The following LDLRAD4 variants were observed in gnomAD, a reference collection of about 807,000 sequenced individuals.
The protein encoded by LDLRAD4 is low density lipoprotein receptor class A domain containing 4, also known as low-density lipoprotein receptor class A domain-containing protein 4.
In LDLRAD4, 5 loss-of-function variants were observed where a neutral mutation model predicts 17.0. The observed-to-expected ratio is 0.29, with a 90% CI of 0.15 to 0.62. The LOEUF (loss-of-function observed/expected upper bound fraction) is 0.62. LDLRAD4 is among the 20% of genes least tolerant of loss of function. LDLRAD4 has a pLI of 0.84. For missense variants in LDLRAD4, 340 were observed against 424.7 expected, an observed-to-expected ratio of 0.80 and a Z score of 1.75; for synonymous variants, 168 against 171.8, an observed-to-expected ratio of 0.98 and a Z score of 0.17.
chr18:13,326,256 A>G (rs1568010570), intron 1 of LDLRAD4, among the ~76,000 whole-genome samples: 1 of 152,134 alleles, frequency 6.6e-6, no homozygotes, highest in East Asian at 1.9e-4. Context: ...GTTTCCTTAA[A>G]GGGGGGAAGG....
chr18:13,446,994 C>T (rs1328114352), intron 3 of LDLRAD4, among the ~76,000 whole-genome samples: 1 of 152,134 alleles, frequency 6.6e-6, no homozygotes, highest in African/African-American at 2.4e-5. Context: ...TGTGGTGTTA[C>T]CTTGGAGCGA....
At chr18:13,591,922 T>C (rs1297509163) in intron 3 of LDLRAD4, among the ~76,000 whole-genome samples, 2 of 152,214 alleles carry the variant, frequency 1.3e-5, no homozygotes, top group Non-Finnish European at 2.9e-5. Flanking sequence ...ATGAGGAAAC[T>C]GAGGCTAAGG....
chr18:13,391,895 C>A lies in LDLRAD4; in HGVS notation c.40+4133C>A, dbSNP rs368157496. 5.3e-5 allele frequency among the ~76,000 whole-genome samples: 8 copies of A among 152,316 alleles called. No homozygotes were observed. The East Asian group carries it at 1.3e-3, about 26-fold the overall frequency. ...ATTTTAAATTGCTGCATAATATTTT[C>A]ATGTACATGTACTTGAATTTTAAAA... On this transcript the variant is annotated intron_variant, in intron 2 of 5. Coordinates refer to ENST00000359446, the Ensembl canonical transcript of LDLRAD4.
intron 3 of LDLRAD4, among the ~76,000 whole-genome samples, chr18:13,518,529 A>G (rs1209892133): frequency 2.0e-5 from 3 of 152,180 alleles, no homozygotes; most frequent in Non-Finnish European, 4.4e-5. Flanking sequence ...AAGTCTTTGC[A>G]AGTCTCATTA....
chr18:13,396,205 G>T (rs1222173889), intron 2 of LDLRAD4, among the ~76,000 whole-genome samples: 3 of 152,178 alleles, frequency 2.0e-5, no homozygotes, highest in Non-Finnish European at 4.4e-5. Context: ...AGGGTGGTGT[G>T]AGAAAGACAT....
chr18:13,495,999 G>C (rs1456248733), intron 3 of LDLRAD4, among the ~76,000 whole-genome samples: 1 of 152,118 alleles, frequency 6.6e-6, no homozygotes, highest in Admixed American at 6.5e-5. Context: ...ATACACTGCA[G>C]GTTCTTCTGG....
chr18:13,505,591 G>A (rs568465181), intron 3 of LDLRAD4, among the ~76,000 whole-genome samples: 14 of 152,224 alleles, frequency 9.2e-5, no homozygotes, highest in African/African-American at 2.2e-4. Flanking sequence ...AGGCCGAGGC[G>A]GGCGGATCAC....
At chr18:13,233,976 C>G (rs184966634) in intron 1 of LDLRAD4, among the ~76,000 whole-genome samples, 7 of 152,286 alleles carry the variant, frequency 4.6e-5, no homozygotes, top group Admixed American at 4.6e-4. Context: ...TCAGGCCACA[C>G]ATCTCAGACA....
chr18:13,233,643 G>C (rs1461005272), intron 1 of LDLRAD4, among the ~76,000 whole-genome samples: 1 of 152,116 alleles, frequency 6.6e-6, no homozygotes, highest in African/African-American at 2.4e-5. Context: ...GAGGAACGGG[G>C]TCTCTCCCTT....
At chr18:13,544,836 TC>T (rs1286708225) in intron 3 of LDLRAD4, among the ~76,000 whole-genome samples, 1 of 148,848 alleles carries the variant, frequency 6.7e-6, no homozygotes, top group Non-Finnish European at 1.5e-5. Flanking sequence ...AGGGTCCAAC[TC>T]CCTGGAGCAC....
chr18:13,639,813 T>G (rs2042371696), intron 4 of LDLRAD4, among the ~76,000 whole-genome samples: 1 of 152,196 alleles, frequency 6.6e-6, no homozygotes, highest in African/African-American at 2.4e-5. Context: ...TAAATTATTA[T>G]GTAGTCATAA....
upstream of LDLRAD4, among the ~76,000 whole-genome samples, chr18:13,277,485 A>G (rs1433549773): frequency 6.6e-6 from 1 of 152,198 alleles, no homozygotes; most frequent in Non-Finnish European, 1.5e-5. Flanking sequence ...GTTGTATGGA[A>G]TGGACAAAAT....
intron 1 of LDLRAD4, among the ~76,000 whole-genome samples, chr18:13,330,897 A>G (rs530444436): frequency 6.6e-6 from 1 of 152,192 alleles, no homozygotes; most frequent in Non-Finnish European, 1.5e-5. Flanking sequence ...TGAAGTTTCC[A>G]TAAAAACCCA....
At chr18:13,289,270 C>T (rs2045831963) in intron 1 of LDLRAD4, among the ~76,000 whole-genome samples, 1 of 152,208 alleles carries the variant, frequency 6.6e-6, no homozygotes. Context: ...TAAATCACAT[C>T]ATATTCACTT....
At chr18:13,260,473 C>T (rs1377288295) in intron 1 of LDLRAD4, among the ~76,000 whole-genome samples, 5 of 152,156 alleles carry the variant, frequency 3.3e-5, no homozygotes, top group Non-Finnish European at 5.9e-5. Context: ...TTCTCTAATC[C>T]GTTTTGACAA....
intron 3 of LDLRAD4, among the ~76,000 whole-genome samples, chr18:13,600,024 G>C (rs1365575965): frequency 6.6e-6 from 1 of 152,118 alleles, no homozygotes; most frequent in African/African-American, 2.4e-5. Context: ...ATATTGACCA[G>C]TCTGGTCTCA....
At chr18:13,355,083 G>A (rs941189045) in intron 1 of LDLRAD4, among the ~76,000 whole-genome samples, 2 of 152,230 alleles carry the variant, frequency 1.3e-5, no homozygotes, top group African/African-American at 4.8e-5. Context: ...GATTCAAGTT[G>A]TTGGACTATT....
At chr18:13,381,978 G>A (rs552157441) in intron 1 of LDLRAD4, among the ~76,000 whole-genome samples, 1 of 152,322 alleles carries the variant, frequency 6.6e-6, no homozygotes, top group Admixed American at 6.5e-5. Context: ...TCTCTGGTGG[G>A]TAGAGTGGCC....
chr18:13,274,882 A>T (rs960151198), upstream of LDLRAD4, among the ~76,000 whole-genome samples: 1 of 152,174 alleles, frequency 6.6e-6, no homozygotes, highest in African/African-American at 2.4e-5. Context: ...TATCTTAAAG[A>T]GCTGGGCATG....
Sources: gnomAD v4.1 joint callset for allele counts (sites outside exome capture counted in the v4.1 genomes callset) on GRCh38, gnomAD v4.1.1 for gene constraint, MANE v1.5 for transcripts, NCBI Gene and HGNC (gene_info 2026-07-23, HGNC 2026-07-21) for gene names.